The following TNC variants were observed in gnomAD, a reference collection of about 807,000 sequenced individuals.
TNC encodes the protein tenascin C, also known as tenascin.
TNC carries 109 observed loss-of-function variants against 202.4 expected under a neutral mutation model. The observed-to-expected ratio is 0.54, with a 90% confidence interval of 0.46 to 0.63. The LOEUF (loss-of-function observed/expected upper bound fraction) is 0.63. TNC is among the 30% of genes least tolerant of loss of function. TNC has a pLI of 0.00. For synonymous variants in TNC, 1,007 were observed against 1,089.7 expected (o/e 0.92, Z 1.50); for missense variants, 2,756 against 2,833.3 (o/e 0.97, Z 0.62).
chr9:115,097,077 C>T (rs1022126418), intron 1 of TNC, among the ~76,000 whole-genome samples: 2 of 152,200 alleles, frequency 1.3e-5, no homozygotes, highest in Non-Finnish European at 2.9e-5. Context: ...CAGTCCATAT[C>T]CTTCAGCCAT....
chr9:115,091,489 C>A (rs922698910), intron 1 of TNC, among the ~76,000 whole-genome samples: 2 of 152,172 alleles, frequency 1.3e-5, no homozygotes, highest in Non-Finnish European at 2.9e-5. Flanking sequence ...TGCCTTATTT[C>A]ACTTTCTGTA....
At chr9:115,101,020 T>C (rs1836192380) in intron 1 of TNC, among the ~76,000 whole-genome samples, 1 of 152,174 alleles carries the variant, frequency 6.6e-6, no homozygotes, top group Admixed American at 6.5e-5. Context: ...TGTTAAAGTA[T>C]TTCTAGACTT....
chr9:115,064,576 C>T (rs577018715), intron 11 of TNC, 71 bp downstream of exon 11: 21 of 1,509,378 alleles, frequency 1.4e-5, no homozygotes, highest in East Asian at 6.8e-5. Flanking sequence ...CAAAGCTAGT[C>T]GTGTCTGATT....
intron 7 of TNC, 47 bp from the exon 8 acceptor site, chr9:115,076,622 G>C (rs1193284403): frequency 2.5e-6 from 4 of 1,593,286 alleles, no homozygotes; most frequent in Non-Finnish European, 3.4e-6. Flanking sequence ...AGTCACAAGA[G>C]AGCAGGAGTC....
At chr9:115,114,977 G>T (rs374501698) in intron 1 of TNC, 2 of 151,910 alleles carry the variant, frequency 1.3e-5, no homozygotes, top group Admixed American at 6.6e-5. Context: ...CATATATTTC[G>T]AGCCAACTAA....
chr9:115,088,496 C>T (rs1266720678), intron 2 of TNC, among the ~76,000 whole-genome samples: 2 of 152,162 alleles, frequency 1.3e-5, no homozygotes, highest in Non-Finnish European at 2.9e-5. Flanking sequence ...GTTGACATTA[C>T]TCGAGCCCCT....
intron 1 of TNC, among the ~76,000 whole-genome samples, chr9:115,105,836 C>T (rs767555592): frequency 1.3e-5 from 2 of 152,166 alleles, no homozygotes; most frequent in Non-Finnish European, 2.9e-5. Flanking sequence ...ACAAATTACA[C>T]AACTTTCTTT....
chr9:115,029,541 T>C (rs2131633267), intron 24 of TNC, 85 bp from the exon 25 acceptor site: 1 of 1,327,180 alleles, frequency 7.5e-7, no homozygotes, highest in East Asian at 2.3e-5. Flanking sequence ...TGTGGCACTG[T>C]GGAGAGAGCA....
rs773390417 is a variant in TNC at position 115,086,375 on chromosome 9, G to T, written c.1356C>A (p.Gly452=). The T allele has an allele frequency of 6.2e-7, 1 of 1,613,964 alleles. No homozygotes were observed. Among genetic ancestry groups the T allele is most frequent in the African/African-American group, 1.3e-5 (1 of 74,966 alleles). Residue 452 remains glycine, a synonymous_variant, in exon 3 of 28, where the codon GGC becomes GGA. Coordinates refer to ENST00000350763, the MANE Select transcript of TNC (RefSeq NM_002160.4). ...TGAAGCCTTGCTCACATACACATTT[G>T]CCCTCGACACAGCGGCCCCGACTGT... ...DCHSRGRCVE[G]KCVCEQGFKG...
chr9:115,046,739 G>A (rs1831231726), intron 16 of TNC, 57 bp from the exon 17 acceptor site: 8 of 1,591,300 alleles, frequency 5.0e-6, no homozygotes, highest in Admixed American at 3.4e-5. Context: ...TTACCAGTCC[G>A]TGCAATCTTC....
Position 115,085,982 on chromosome 9 carries a change from G to A in TNC, c.1749C>T (p.Gly583=), listed in dbSNP as rs201528891. The A allele has an allele frequency of 2.5e-5, 41 of 1,614,012 alleles. No homozygotes were observed. Among genetic ancestry groups the A allele is most frequent in the Middle Eastern group, 3.3e-4 (2 of 6,062 alleles). The change falls in exon 3 of 28, where the codon GGC becomes GGT. Residue 583 remains glycine (G), a synonymous_variant. Coordinates refer to ENST00000350763, the MANE Select transcript of TNC (RefSeq NM_002160.4). The part of the protein sequence containing the change: ...CVDGQCICHE[G]FTGLDCGQHS... ...GCTGGCCACAGTCCAGGCCTGTGAA[G>A]CCCTCGTGGCAGATGCACTGGCCGT... is the stretch of plus-strand genomic sequence containing the variant.
chr9:115,063,868 G>C lies in TNC; in HGVS notation c.3688C>G (p.His1230Asp), dbSNP rs997079317. 13 of 1,614,178 alleles carry C rather than the reference G, an allele frequency of 8.1e-6. No homozygotes were observed. The highest frequency in any genetic ancestry group is 1.1e-5 in the Non-Finnish European group (13 of 1,180,024). ...ACCCCGCGGATGGTGATGGTATAAT[G>C]AGTGGCTGCTTTGAGCCCAGGCAGG... ...TDLPGLKAAT[H>D]YTITIRGVTQ... Residue 1230 changes from histidine to aspartate, a missense_variant, in exon 12 of 28, where the codon CAT (histidine) becomes GAT (aspartate). Transcript: ENST00000350763.
At chr9:115,097,019 G>A (rs141620259) in intron 1 of TNC, among the ~76,000 whole-genome samples, 88 of 152,254 alleles carry the variant, frequency 5.8e-4, no homozygotes, top group African/African-American at 1.8e-3. Flanking sequence ...CATGACTCCC[G>A]TTTCTCTGCT....
At position 115,086,722 on chromosome 9, in the gene TNC, T is replaced by G; in HGVS notation, c.1009A>C (p.Thr337Pro). The G allele has an allele frequency of 6.2e-7, 1 of 1,614,060 alleles. No individual in the cohort carries two copies. The highest frequency in any genetic ancestry group is 1.1e-5 in the South Asian group (1 of 91,090). ...NGTCYCEEGF[T>P]GEDCGKPTCP... Reference sequence around the variant, plus strand: ...GTGGGTTTCCCGCAGTCTTCACCTGTGAAGCCTTCTTCGCAGTAGCAGGTG... The same window carrying G: ...GTGGGTTTCCCGCAGTCTTCACCTGGGAAGCCTTCTTCGCAGTAGCAGGTG... The change falls in exon 3 of 28, where the codon ACA (threonine) becomes CCA (proline). Residue 337 changes from threonine to proline, a missense_variant. This residue lies in a region of TNC where 2,559 missense variants were observed against 2,546.0 expected (regional missense o/e 1.01). Transcript: ENST00000350763.
chr9:115,040,697 G>A (rs1830663320), intron 19 of TNC, among the ~76,000 whole-genome samples: 1 of 152,150 alleles, frequency 6.6e-6, no homozygotes, highest in Non-Finnish European at 1.5e-5. Context: ...AATAGTCCAG[G>A]AAATGGAGGC....
In TNC at chr9:115,063,796, C is replaced by T; in HGVS notation, c.3760G>A (p.Glu1254Lys). 4.4e-6 allele frequency: 7 copies of T among 1,607,834 alleles called. No homozygotes were observed. The Middle Eastern group carries it at 5.0e-4, about 114-fold the overall frequency. Reference protein sequence around the residue: ...TTPLSVEVLTEEVPDMGNLTV... With the variant: ...TTPLSVEVLTKEVPDMGNLTV... The stretch of plus-strand genomic sequence containing the variant: ...GAATTAGTGAATTCGTCTAGAATAC[C>T]TGTCAAGACTTCAACAGAGAGAGGG... Residue 1254 changes from glutamate (E) to lysine (K), a missense_variant and splice_region_variant, in exon 12 of 28, where the codon GAG becomes AAG. Glu to Lys is a moderately conservative substitution (Grantham distance 56). This residue lies in a region of TNC where 2,559 missense variants were observed against 2,546.0 expected (regional missense o/e 1.01). Coordinates refer to ENST00000350763, the MANE Select transcript of TNC (RefSeq NM_002160.4).
intron 1 of TNC, among the ~76,000 whole-genome samples, chr9:115,114,240 C>CT: frequency 6.6e-6 from 1 of 152,352 alleles, no homozygotes; most frequent in East Asian, 1.9e-4. Flanking sequence ...CTACAATCTT[C>CT]TCAGAGTGAG....
At chr9:115,060,714 G>A (rs1285537849) in intron 13 of TNC, among the ~76,000 whole-genome samples, 1 of 152,202 alleles carries the variant, frequency 6.6e-6, no homozygotes, top group Non-Finnish European at 1.5e-5. Context: ...GGTTGATAAA[G>A]TGTATGCTGT....
chr9:115,086,322 C>G lies in TNC; in HGVS notation c.1409G>C (p.Cys470Ser), dbSNP rs778574589. ...FKGYDCSDMS[C>S]PNDCHQHGRC... is the part of the protein sequence containing the mutation. ...GCCGTGCTGGTGACAGTCATTAGGG[C>G]AGCTCATGTCACTGCAGTCATAGCC... Residue 470 changes from cysteine to serine, a missense_variant, in exon 3 of 28, where the codon TGC becomes TCC. Physicochemically the swap from Cys to Ser is moderately radical, Grantham distance 112. This residue lies in a region of TNC where 2,559 missense variants were observed against 2,546.0 expected (regional missense o/e 1.01). Coordinates refer to ENST00000350763, the MANE Select transcript of TNC (RefSeq NM_002160.4). The G allele has an allele frequency of 6.2e-7, 1 of 1,614,208 alleles. No individual in the cohort carries two copies. Among genetic ancestry groups the G allele is most frequent in the South Asian group, 1.1e-5 (1 of 91,086 alleles).
Sources: gnomAD v4.1 joint callset for allele counts (sites outside exome capture counted in the v4.1 genomes callset) on GRCh38, gnomAD v4.1.1 for gene constraint, gnomAD v4.1.1 regional missense constraint, MANE v1.5 for transcripts, NCBI Gene and HGNC (gene_info 2026-07-23, HGNC 2026-07-21) for gene names.